Variants in CAPN14 observed in about 807,000 individuals in gnomAD.
CAPN14 encodes calpain 14.
CAPN14 carries 94 observed loss-of-function variants against 101.3 expected under a neutral mutation model. The ratio of observed to expected loss-of-function variants is 0.93; its 90% CI spans 0.79 to 1.10. The LOEUF is 1.10. CAPN14 is among the 50% of genes least tolerant of loss of function. CAPN14 has a pLI of 0.00. For synonymous variants in CAPN14, 338 were observed against 317.9 expected, an observed-to-expected ratio of 1.06 and a Z score of -0.67; for missense variants, 837 against 828.4, an observed-to-expected ratio of 1.01 and a Z score of -0.13.
intron 2 of CAPN14, among the ~76,000 whole-genome samples, chr2:31,225,465 T>C (rs1414875078): frequency 1.3e-5 from 2 of 152,026 alleles, no homozygotes; most frequent in Non-Finnish European, 2.9e-5. Context: ...ATCAAAAGCA[T>C]TAATAATATT....
At chr2:31,221,761 T>A (rs748665130), upstream of CAPN14, among the ~76,000 whole-genome samples, 19 of 152,168 alleles carry the variant, frequency 1.2e-4, no homozygotes, top group African/African-American at 4.6e-4. Context: ...AAAGAAGCCC[T>A]GGTGGTAAAT....
intron 18 of CAPN14, 99 bp downstream of exon 18, chr2:31,178,412 T>A: frequency 2.3e-6 from 2 of 868,898 alleles, no homozygotes. Context: ...GTGAGGTGGA[T>A]ATAAAGGGCT....
At chr2:31,201,638 A>AT (rs1333899762) in intron 5 of CAPN14, among the ~76,000 whole-genome samples, 3 of 152,216 alleles carry the variant, frequency 2.0e-5, no homozygotes, top group Admixed American at 2.0e-4. Flanking sequence ...CAGAGCTCCT[A>AT]TCCCCCTTAA....
At chr2:31,231,900 G>T (rs2148712279) in intron 1 of CAPN14, among the ~76,000 whole-genome samples, 1 of 152,302 alleles carries the variant, frequency 6.6e-6, no homozygotes. Flanking sequence ...CTTGTGAGTT[G>T]TTAAATATCT....
chr2:31,201,345 C>T lies in CAPN14; in HGVS notation c.551+517G>A, dbSNP rs529780774. On this transcript the variant is annotated intron_variant, in intron 5 of 21. Transcript: ENST00000403897. ...TTAAACTTTCATATTGCAGTTGTGT[C>T]GTTGAAGCTGTGCCCACAATCTGAC... Among the ~76,000 whole-genome samples the T allele has an allele frequency of 2.0e-5, 3 of 152,152 alleles. No individual in the cohort carries two copies. In the South Asian group the frequency reaches 6.2e-4, roughly 32 times the overall value.
intron 9 of CAPN14, among the ~76,000 whole-genome samples, chr2:31,194,083 C>T (rs1681349846): frequency 6.6e-6 from 1 of 152,176 alleles, no homozygotes; most frequent in Non-Finnish European, 1.5e-5. Flanking sequence ...TCTCTTCCTA[C>T]CTCATGGCCT....
rs1191874204 is a variant in CAPN14 at position 31,191,966 on chromosome 2, G to C, written c.1247C>G (p.Pro416Arg). ...KPRHRCRKRK[P>R]LLAIGFYLYR... ...CAGGTAGAAGCCAATGGCGAGGAGA[G>C]GCTTCCGCTTGCGGCACCTGTGCCT... The change falls in exon 11 of 22, where the codon CCT (proline) becomes CGT (arginine). Residue 416 changes from proline (P) to arginine (R), a missense_variant. By Grantham distance (103) the Pro-to-Arg change is moderately radical. Transcript: ENST00000403897. 1 of 1,551,454 alleles carries C rather than the reference G, an allele frequency of 6.4e-7. No homozygotes were observed. Among genetic ancestry groups the C allele is most frequent in the Non-Finnish European group, 8.7e-7 (1 of 1,146,902 alleles).
chr2:31,190,029 G>A (rs182675007), intron 12 of CAPN14, among the ~76,000 whole-genome samples: 230 of 152,260 alleles, frequency 1.5e-3, no homozygotes, highest in African/African-American at 5.4e-3. Context: ...CATCATCTCA[G>A]GGAAAACACC....
At position 31,200,617 on chromosome 2, in the gene CAPN14, C is replaced by A; in HGVS notation, c.560G>T (p.Gly187Val). 6.5e-7 allele frequency: 1 copy of A among 1,545,602 alleles called. No individual in the cohort carries two copies. The highest frequency in any genetic ancestry group is 8.7e-7 in the Non-Finnish European group (1 of 1,144,882). Reference sequence around the variant, plus strand: ...TCCTGACTGCAAGTCTTCATAGGAACCAGAGAGCCTGGCCAGGGAAGAAAT... The same window carrying A: ...TCCTGACTGCAAGTCTTCATAGGAAACAGAGAGCCTGGCCAGGGAAGAAAT... ...LLEKAYAKLSGSYEDLQSGQV... is the reference protein window; with the variant it reads ...LLEKAYAKLSVSYEDLQSGQV... Residue 187 changes from glycine (G) to valine (V), a missense_variant, in exon 6 of 22, where the codon GGT becomes GTT. By Grantham distance (109) the Gly-to-Val change is moderately radical. Coordinates refer to ENST00000403897, the MANE Select transcript of CAPN14 (RefSeq NM_001145122.2).
chr2:31,219,732 T>G (rs1315631519), upstream of CAPN14, among the ~76,000 whole-genome samples: 1 of 152,202 alleles, frequency 6.6e-6, no homozygotes, highest in African/African-American at 2.4e-5. Flanking sequence ...AACACAGATG[T>G]AGGTTCACTA....
intron 18 of CAPN14, 41 bp downstream of exon 18, chr2:31,178,470 A>G (rs1558609912): frequency 2.0e-6 from 3 of 1,476,824 alleles, no homozygotes; most frequent in Non-Finnish European, 2.8e-6. Context: ...TGCCATTCCT[A>G]CACCATCTTC....
intron 16 of CAPN14, among the ~76,000 whole-genome samples, chr2:31,184,477 A>G (rs1371791139): frequency 6.6e-6 from 1 of 152,204 alleles, no homozygotes; most frequent in Non-Finnish European, 1.5e-5. Flanking sequence ...TATCTCTTTG[A>G]AATATGGTGC....
intron 1 of CAPN14, among the ~76,000 whole-genome samples, chr2:31,206,445 G>T (rs561105603): frequency 6.6e-6 from 1 of 152,192 alleles, no homozygotes; most frequent in Non-Finnish European, 1.5e-5. Context: ...CAGAGATGGG[G>T]TTTCGCCATG....
intron 11 of CAPN14, 48 bp downstream of exon 11, chr2:31,191,887 G>A: frequency 6.9e-7 from 1 of 1,457,704 alleles, no homozygotes; most frequent in Middle Eastern, 2.0e-4. Context: ...AACTGTTGGT[G>A]ACCCCCACGC....
At position 31,181,438 on chromosome 2, in the gene CAPN14, CTTTCTTT is replaced by C. The variant is rs1276440291; in HGVS notation, c.1646-445_1646-439del. On this transcript the variant is annotated intron_variant, in intron 16 of 21. Coordinates refer to ENST00000403897, the MANE Select transcript of CAPN14 (RefSeq NM_001145122.2). ...TCTTTCTTTCTTTCTTTCTTTCTTT[CTTTCTTT>C]TTCTTTCTTTTTTTCTCTTTTTCTT... 8.5e-4 allele frequency among the ~76,000 whole-genome samples: 112 copies of C among 131,724 alleles called. 1 individual carries two copies. Among genetic ancestry groups the C allele is most frequent in the Admixed American group, 1.3e-3 (17 of 13,172 alleles). The allele number at this position is 131,724 out of a possible 152,430, so 86.4% of individuals were successfully genotyped here.
At chr2:31,225,395 A>G (rs1323322270) in intron 2 of CAPN14, among the ~76,000 whole-genome samples, 1 of 152,084 alleles carries the variant, frequency 6.6e-6, no homozygotes, top group Non-Finnish European at 1.5e-5. Flanking sequence ...GAACTCTGAT[A>G]TCATTGTGGT....
In CAPN14 at chr2:31,194,395, C is replaced by T; in HGVS notation, c.950+14G>A. On this transcript the variant is annotated intron_variant, in intron 9 of 21. Coordinates refer to ENST00000403897, the MANE Select transcript of CAPN14 (RefSeq NM_001145122.2). ...GTAGGCCAGGACATTTGTCCAAGTC[C>T]CTAAGTCCAATACCAGAATTCTCCG... 1 of 1,547,806 alleles carries T rather than the reference C, an allele frequency of 6.5e-7. No homozygotes were observed. The highest frequency in any genetic ancestry group is 8.7e-7 in the Non-Finnish European group (1 of 1,143,594).
rs111317822 is a variant in CAPN14 at position 31,200,848 on chromosome 2, G to A, written c.552-223C>T. Among the ~76,000 whole-genome samples the A allele has an allele frequency of 1.2e-4, 18 of 152,166 alleles. 1 individual carries two copies. The highest frequency in any genetic ancestry group is 3.9e-4 in the African/African-American group (16 of 41,512). On this transcript the variant is annotated intron_variant, in intron 5 of 21. Transcript: ENST00000403897. The stretch of plus-strand genomic sequence containing the variant: ...GCATCTCTCCTGCCTAGAAGACTGG[G>A]AACCCCTCTTTCCCACCACTTCCTT...
chr2:31,205,365 T>C lies in CAPN14; in HGVS notation c.83A>G (p.Gln28Arg). The C allele has an allele frequency of 6.4e-7, 1 of 1,551,494 alleles. No homozygotes were observed. The highest frequency in any genetic ancestry group is 8.7e-7 in the Non-Finnish European group (1 of 1,146,962). The change falls in exon 2 of 22, where the codon CAG becomes CGG. Residue 28 changes from glutamine (Q) to arginine (R), a missense_variant. Transcript: ENST00000403897. ...CTCTGCCAGCAGGGCCTCAAAGTCC[T>C]GTTGGGGTTGCTGTGGAGACGCCCT... ...SRRASPQQPQ[Q>R]DFEALLAECL...
Sources: allele counts gnomAD v4.1 joint callset (sites outside exome capture counted in the v4.1 genomes callset), GRCh38; gene constraint gnomAD v4.1.1; transcripts MANE v1.5; gene names NCBI Gene and HGNC (gene_info 2026-07-23, HGNC 2026-07-21).